Variants in PCDHGA6 observed in about 807,000 individuals in gnomAD.
The protein encoded by PCDHGA6 is protocadherin gamma-A6.
Under a neutral mutation model 60.6 loss-of-function variants are expected in PCDHGA6, and 41 were observed. The ratio of observed to expected loss-of-function variants is 0.68; its 90% CI spans 0.53 to 0.88. The LOEUF is 0.88. PCDHGA6 is among the 40% of genes least tolerant of loss of function. The probability of loss-of-function intolerance (pLI) is 0.00; values close to 1 mark genes in which losing one functional copy is unlikely to be tolerated. For synonymous variants in PCDHGA6, 594 were observed against 524.4 expected, an observed-to-expected ratio of 1.13 and a Z score of -1.81; for missense variants, 1,312 against 1,203.0, an observed-to-expected ratio of 1.09 and a Z score of -1.34.
intron 1 of PCDHGA6, chr5:141,430,668 C>T (rs538633559): frequency 1.6e-6 from 2 of 1,243,872 alleles, no homozygotes; most frequent in East Asian, 2.5e-5. Context: ...GGAGCTCTGA[C>T]TTCCCAACTG....
At position 141,494,833 on chromosome 5, in the gene PCDHGA6, T is replaced by C. The variant is rs537340090; in HGVS notation, c.2451T>C (p.Arg817=). 1 of 1,614,094 alleles carries C rather than the reference T, an allele frequency of 6.2e-7. No homozygotes were observed. The highest frequency in any genetic ancestry group is 1.7e-5 in the Admixed American group (1 of 60,014). Residue 817 remains arginine, a synonymous_variant, in exon 2 of 4, where the codon CGT becomes CGC. Coordinates refer to ENST00000517434, the MANE Select transcript of PCDHGA6 (RefSeq NM_018919.3). ...LQQAPPNTDW[R]FSQAQRPGTS... Reference sequence around the variant, plus strand: ...AAGCCCCGCCCAACACGGACTGGCGTTTCTCTCAGGCCCAGAGACCCGGCA... The same window carrying C: ...AAGCCCCGCCCAACACGGACTGGCGCTTCTCTCAGGCCCAGAGACCCGGCA...
chr5:141,427,704 G>C (rs2097059746), intron 1 of PCDHGA6: 2 of 966,116 alleles, frequency 2.1e-6, no homozygotes, highest in Non-Finnish European at 3.2e-6. Context: ...ACAAGTCAGC[G>C]CCTCTGACCT....
At chr5:141,384,579 C>T (rs746315101) in intron 1 of PCDHGA6, 13 of 1,614,128 alleles carry the variant, frequency 8.1e-6, no homozygotes, top group African/African-American at 8.0e-5. Flanking sequence ...ACAACCCGCC[C>T]GAGATCCTGT....
At position 141,485,184 on chromosome 5, in the gene PCDHGA6, A is replaced by G. The variant is rs1415940980; in HGVS notation, c.2425-9623A>G. ...TAGCGGGCGGCAGCAATGCTCCGCA[A>G]GGTGAGAAGCTGGACAGAAATCTGG... On this transcript the variant is annotated intron_variant, in intron 1 of 3. Transcript: ENST00000517434. This position sits in a 1 kb window ranked among gnomAD's most constrained non-coding sequence, Gnocchi z 5.7. The G allele has an allele frequency of 6.2e-7, 1 of 1,613,152 alleles. No individual in the cohort carries two copies. The highest frequency in any genetic ancestry group is 1.3e-5 in the African/African-American group (1 of 74,938).
At position 141,379,889 on chromosome 5, in the gene PCDHGA6, C is replaced by CTTTTTTTTTTTTTTT. The variant is rs70988800; in HGVS notation, c.2424+3398_2424+3412dup. On this transcript the variant is annotated intron_variant, in intron 1 of 3. Coordinates refer to ENST00000517434, the MANE Select transcript of PCDHGA6 (RefSeq NM_018919.3). ...CTTATTTTATGGTCTGTGAAAGCCT[C>CTTTTTTTTTTTTTTT]TTTTTTTTTTTTTTTTTTTTTTTTT... Among the ~76,000 whole-genome samples, 120 of 50,828 alleles carry CTTTTTTTTTTTTTTT rather than the reference C, an allele frequency of 2.4e-3. 21 individuals carry two copies. The highest frequency in any genetic ancestry group is 3.0e-3 in the Non-Finnish European group (77 of 25,882). 33.3% of individuals were successfully genotyped at this position (50,828 alleles called of 152,430 possible).
At chr5:141,389,245 C>A (rs755580542) in intron 1 of PCDHGA6, 6 of 1,613,950 alleles carry the variant, frequency 3.7e-6, no homozygotes, top group Non-Finnish European at 5.1e-6. Context: ...TCACAGTCTT[C>A]CTATATAGTC....
rs1240258760 is a variant in PCDHGA6 at position 141,423,933 on chromosome 5, GAAGT to G, written c.2424+47431_2424+47434del. On this transcript the variant is annotated intron_variant, in intron 1 of 3. Coordinates refer to ENST00000517434, the MANE Select transcript of PCDHGA6 (RefSeq NM_018919.3). The stretch of plus-strand genomic sequence containing the variant: ...CCATTCAACTATGCTGGTTTGGTTT[GAAGT>G]AAGTTGAATTTTAGTATTATTTTTC... 5 of 1,226,500 alleles carry G rather than the reference GAAGT, an allele frequency of 4.1e-6. No homozygotes were observed. The African/African-American group carries it at 7.9e-5, about 19-fold the overall frequency. The allele number at this position is 1,226,500 out of a possible 1,614,324, so 76.0% of individuals were successfully genotyped here. A position where few individuals can be genotyped will look rare whatever the true frequency, so the allele number is the denominator to read the frequency against.
chr5:141,406,781 T>C (rs1054583306), intron 1 of PCDHGA6, among the ~76,000 whole-genome samples: 4 of 152,218 alleles, frequency 2.6e-5, no homozygotes, highest in Non-Finnish European at 5.9e-5. Context: ...CTCTCACTTA[T>C]ATATTATTTC....
intron 1 of PCDHGA6, chr5:141,409,280 T>C (rs1277414418): frequency 6.2e-7 from 1 of 1,613,904 alleles, no homozygotes; most frequent in Non-Finnish European, 8.5e-7. Context: ...TTTGGAGAAT[T>C]CACCTCCAGG....
intron 1 of PCDHGA6, chr5:141,421,895 G>T: frequency 2.5e-6 from 4 of 1,613,730 alleles, no homozygotes; most frequent in Non-Finnish European, 3.4e-6. Context: ...GATCCCATCC[G>T]AAAGGGCGCA....
rs552017054 is a variant in PCDHGA6 at position 141,425,594 on chromosome 5, A to G, written c.2424+49087A>G. On this transcript the variant is annotated intron_variant, in intron 1 of 3. Transcript: ENST00000517434. ...GGGTTTGGCTAACTTTATTCTGAAT[A>G]TGCCCTATATAGCTTTCAGTGCTCC... 2.6e-5 allele frequency among the ~76,000 whole-genome samples: 4 copies of G among 152,370 alleles called. No homozygotes were observed. In the South Asian group the frequency reaches 8.3e-4, roughly 32 times the overall value.
intron 1 of PCDHGA6, among the ~76,000 whole-genome samples, chr5:141,470,152 T>C (rs546219809): frequency 2.6e-5 from 4 of 152,308 alleles, no homozygotes; most frequent in African/African-American, 9.6e-5. Context: ...ATAGATCATC[T>C]TATCAAATCA....
At chr5:141,414,897 C>A (rs2095799678) in intron 1 of PCDHGA6, 7 of 1,614,230 alleles carry the variant, frequency 4.3e-6, no homozygotes, top group Non-Finnish European at 5.9e-6. Flanking sequence ...TCCCCACAGA[C>A]GGTTCCACAG....
intron 1 of PCDHGA6, chr5:141,423,735 G>A (rs2096770441): frequency 1.3e-6 from 1 of 777,372 alleles, no homozygotes; most frequent in African/African-American, 2.5e-5. Context: ...TTTTGAGCCT[G>A]TTATGAAAAC....
chr5:141,441,937 C>T, intron 1 of PCDHGA6: 1 of 344,792 alleles, frequency 2.9e-6, no homozygotes, highest in Non-Finnish European at 5.6e-6. Context: ...GCTGTCCTAC[C>T]ACGTGCTGCA....
chr5:141,421,842 A>G (rs1209505923), intron 1 of PCDHGA6: 1 of 1,613,744 alleles, frequency 6.2e-7, no homozygotes, highest in Non-Finnish European at 8.5e-7. Context: ...ACCGAGAGAA[A>G]GAGGCTGCTC....
rs1158003183 is a variant in PCDHGA6, at chr5:141,397,388, G to A, written c.2424+20881G>A. Among the ~76,000 whole-genome samples the A allele has an allele frequency of 3.9e-5, 6 of 152,232 alleles. No individual in the cohort carries two copies. In the East Asian group the frequency reaches 1.2e-3, roughly 29 times the overall value. Reference sequence around the variant, plus strand: ...GATGTTTGGGGATTGGTATAAAATTGCCACAACTTTACAAAATAGTTTTAA... The same window carrying A: ...GATGTTTGGGGATTGGTATAAAATTACCACAACTTTACAAAATAGTTTTAA... On this transcript the variant is annotated intron_variant, in intron 1 of 3. Transcript: ENST00000517434.
intron 1 of PCDHGA6, chr5:141,383,993 T>C: frequency 2.5e-6 from 4 of 1,613,872 alleles, no homozygotes; most frequent in Non-Finnish European, 3.4e-6. Context: ...CTTGGGACAG[T>C]CATTGCTCTT....
At chr5:141,403,746 C>T (rs773668506) in intron 1 of PCDHGA6, 1 of 1,613,904 alleles carries the variant, frequency 6.2e-7, no homozygotes, top group South Asian at 1.1e-5. Context: ...CTTACTGCAA[C>T]AGCCAGCGAC....
Sources: allele counts gnomAD v4.1 joint callset (sites outside exome capture counted in the v4.1 genomes callset), GRCh38; gene constraint gnomAD v4.1.1; non-coding constraint Gnocchi (gnomAD v3.1); transcripts MANE v1.5; gene names NCBI Gene and HGNC (gene_info 2026-07-23, HGNC 2026-07-21).